The following TBCE variants were observed in gnomAD, a reference collection of about 807,000 sequenced individuals.
The protein encoded by TBCE is tubulin-specific chaperone E.
Under a neutral mutation model 77.0 loss-of-function variants are expected in TBCE, and 53 were observed. The ratio of observed to expected loss-of-function variants is 0.69; its 90% CI spans 0.55 to 0.87. The LOEUF is 0.87. TBCE is among the 40% of genes least tolerant of loss of function. The probability of loss-of-function intolerance (pLI) is 0.00; values close to 1 mark genes in which losing one functional copy is unlikely to be tolerated. For synonymous variants in TBCE, 235 were observed against 241.3 expected (o/e 0.97, Z 0.24); for missense variants, 624 against 622.4 (o/e 1.00, Z -0.03).
At chr1:235,406,829 CTTTTTTTTTTT>C (rs141351182) in intron 3 of TBCE, among the ~76,000 whole-genome samples, 2 of 76,168 alleles carry the variant, frequency 2.6e-5, no homozygotes, top group Non-Finnish European at 4.8e-5. Context: ...TGCTCCTGGG[CTTTTTTTTTTT>C]TTTTTTTTTT....
chr1:235,377,895 C>T (rs952896919), intron 1 of TBCE, among the ~76,000 whole-genome samples: 10 of 151,986 alleles, frequency 6.6e-5, no homozygotes, highest in Non-Finnish European at 1.3e-4. Flanking sequence ...TTGTGATCCA[C>T]CCGCCTCGGC....
intron 2 of TBCE, among the ~76,000 whole-genome samples, chr1:235,386,404 G>T (rs1248220720): frequency 6.6e-6 from 1 of 152,126 alleles, no homozygotes; most frequent in Non-Finnish European, 1.5e-5. Flanking sequence ...TTTCCAACTT[G>T]GTTCCATTCT....
intron 2 of TBCE, among the ~76,000 whole-genome samples, chr1:235,396,025 T>C (rs1678697395): frequency 6.6e-6 from 1 of 152,092 alleles, no homozygotes; most frequent in South Asian, 2.1e-4. Context: ...GGCTGGATAG[T>C]ATTTTATTGT....
chr1:235,433,355 G>A, intron 7 of TBCE: 1 of 273,926 alleles, frequency 3.7e-6, no homozygotes, highest in Non-Finnish European at 6.4e-6. Context: ...CAAGTAGCTG[G>A]GATTACAGAC....
At chr1:235,390,776 AAAGTAGAAGCTAG>A (rs1404519599) in intron 2 of TBCE, among the ~76,000 whole-genome samples, 1 of 151,690 alleles carries the variant, frequency 6.6e-6, no homozygotes, top group Non-Finnish European at 1.5e-5. Flanking sequence ...AAAAAAAAAA[AAAGTAGAAGCTAG>A]AGGCAGAAGA....
intron 15 of TBCE, among the ~76,000 whole-genome samples, chr1:235,445,202 TCC>T (rs750486938): frequency 6.6e-6 from 1 of 152,248 alleles, no homozygotes; most frequent in African/African-American, 2.4e-5. Context: ...TTCCTTTTTT[TCC>T]CCTTTTTTAT....
chr1:235,371,265 A>G (rs1676935317), intron 1 of TBCE, among the ~76,000 whole-genome samples: 1 of 151,032 alleles, frequency 6.6e-6, no homozygotes, highest in Non-Finnish European at 1.5e-5. Context: ...CATGTTGGTC[A>G]GGCTGGTCTT....
At position 235,427,239 on chromosome 1, in the gene TBCE, G is replaced by T. The variant is rs1215122109; in HGVS notation, c.560G>T (p.Ser187Ile). The change falls in exon 6 of 17, where the codon AGT becomes ATT. Residue 187 changes from serine to isoleucine, a missense_variant and splice_region_variant. Ser to Ile is a moderately radical substitution (Grantham distance 142). Coordinates refer to ENST00000642610, the MANE Select transcript of TBCE (RefSeq NM_003193.5). The stretch of plus-strand genomic sequence containing the variant: ...AGACACCTGGAAGTCCTTAATGTCA[G>T]GTATGAACTCTTGGTTGCTGAATCT... ...QLRHLEVLNV[S>I]ENKLKFPSGS... 8.7e-6 allele frequency: 14 copies of T among 1,602,718 alleles called. No individual in the cohort carries two copies. The highest frequency in any genetic ancestry group is 1.2e-5 in the Non-Finnish European group (14 of 1,169,938).
chr1:235,394,418 C>CTTTTTTTTTT (rs386370043), intron 2 of TBCE, among the ~76,000 whole-genome samples: 6 of 72,314 alleles, frequency 8.3e-5, no homozygotes, highest in Non-Finnish European at 1.2e-4. Context: ...TTGATAATTT[C>CTTTTTTTTTT]TTTTTTTTTT....
Position 235,448,691 on chromosome 1 carries a change from C to G in TBCE, c.1513C>G (p.Leu505Val). 1.2e-6 allele frequency: 2 copies of G among 1,614,030 alleles called. No individual in the cohort carries two copies. The highest frequency in any genetic ancestry group is 1.7e-6 in the Non-Finnish European group (2 of 1,179,942). Residue 505 changes from leucine (L) to valine (V), a missense_variant, in exon 17 of 17, where the codon CTG becomes GTG. Physicochemically the swap from Leu to Val is conservative, Grantham distance 32 (BLOSUM62 1). Transcript: ENST00000642610. ...SPKKPGREIE[L>V]ENDLKSLQFY... is the part of the protein sequence containing the mutation. Reference sequence around the variant, plus strand: ...TTAGAAGCCGGGCAGAGAAATCGAGCTGGAAAATGACCTAAAGTCATTACA... The same window carrying G: ...TTAGAAGCCGGGCAGAGAAATCGAGGTGGAAAATGACCTAAAGTCATTACA...
At chr1:235,415,039 T>C in intron 4 of TBCE, 1 of 245,502 alleles carries the variant, frequency 4.1e-6, no homozygotes, top group South Asian at 5.2e-5. Context: ...CACCTCGGGC[T>C]GCACATCTTC....
intron 1 of TBCE, among the ~76,000 whole-genome samples, chr1:235,375,419 A>G (rs539920430): frequency 7.2e-5 from 11 of 152,270 alleles, no homozygotes; most frequent in Non-Finnish European, 1.0e-4. Flanking sequence ...GGCCCAGTGC[A>G]GGCCATTACA....
At chr1:235,403,443 C>T (rs556401089) in intron 3 of TBCE, among the ~76,000 whole-genome samples, 2 of 152,326 alleles carry the variant, frequency 1.3e-5, no homozygotes, top group South Asian at 4.1e-4. Context: ...CTCCTGACCT[C>T]AGGCAGTCCA....
intron 1 of TBCE, among the ~76,000 whole-genome samples, chr1:235,372,170 T>G (rs939136322): frequency 3.3e-5 from 5 of 152,056 alleles, no homozygotes; most frequent in African/African-American, 1.2e-4. Context: ...TAATTTTTAA[T>G]TTTGCTGTGC....
In TBCE at chr1:235,449,065, A is replaced by C. The variant is rs952106324; in HGVS notation, c.*303A>C. ...AAATAGAAAGAAACTAGCTAGCCTA[A>C]TAAAATCTGAACACAGTTAATATCT... On this transcript the variant is annotated 3_prime_UTR_variant, in exon 17 of 17. Coordinates refer to ENST00000642610, the MANE Select transcript of TBCE (RefSeq NM_003193.5). The C allele has an allele frequency of 3.0e-6, 1 of 334,952 alleles. No individual in the cohort carries two copies. The highest frequency in any genetic ancestry group is 5.7e-6 in the Non-Finnish European group (1 of 175,668). The allele number at this position is 334,952 out of a possible 1,614,324, so 20.7% of individuals were successfully genotyped here. A position where few individuals can be genotyped will look rare whatever the true frequency, so the allele number is the denominator to read the frequency against.
intron 3 of TBCE, among the ~76,000 whole-genome samples, chr1:235,405,690 A>G (rs1225349182): frequency 6.6e-6 from 1 of 152,150 alleles, no homozygotes; most frequent in Non-Finnish European, 1.5e-5. Context: ...TAAAAAGTAT[A>G]GTATAGTGAA....
chr1:235,376,271 A>G (rs1348894327), intron 1 of TBCE, among the ~76,000 whole-genome samples: 3 of 152,112 alleles, frequency 2.0e-5, no homozygotes, highest in African/African-American at 7.2e-5. Flanking sequence ...AGTGTCTTCA[A>G]TCCTCATTCC....
At chr1:235,385,358 T>G (rs995386454) in intron 2 of TBCE, among the ~76,000 whole-genome samples, 1 of 152,110 alleles carries the variant, frequency 6.6e-6, no homozygotes, top group African/African-American at 2.4e-5. Context: ...CTGAGTTCAA[T>G]TCCTGGCTAT....
intron 1 of TBCE, among the ~76,000 whole-genome samples, chr1:235,374,736 G>A (rs1416495287): frequency 1.4e-5 from 2 of 143,954 alleles, no homozygotes; most frequent in African/African-American, 2.7e-5. Flanking sequence ...CCTGACCTCA[G>A]GTGAGTCACC....
Sources: gnomAD v4.1 joint callset for allele counts (sites outside exome capture counted in the v4.1 genomes callset) on GRCh38, gnomAD v4.1.1 for gene constraint, MANE v1.5 for transcripts, NCBI Gene and HGNC (gene_info 2026-07-23, HGNC 2026-07-21) for gene names.